OSGIN2: variants seen among roughly 807,000 people sequenced by gnomAD.
The protein encoded by OSGIN2 is oxidative stress induced growth inhibitor family member 2.
A neutral mutation model predicts 53.8 loss-of-function variants in OSGIN2; 19 were observed. That is an observed-to-expected ratio of 0.35 (90% CI 0.25 to 0.52). The LOEUF is 0.52. Ranked by LOEUF, OSGIN2 falls within the 20% of genes least tolerant of loss-of-function variation. OSGIN2 has a pLI of 0.95. For missense variants in OSGIN2, 520 were observed against 662.7 expected (o/e 0.78, Z 2.36); for synonymous variants, 236 against 236.0 (o/e 1.00, Z 0.00).
rs535503634 is a variant in OSGIN2, at chr8:89,922,170, G to A, written c.620+999G>A. 2.6e-5 allele frequency among the ~76,000 whole-genome samples: 4 copies of A among 152,202 alleles called. No individual in the cohort carries two copies. In the South Asian group the frequency reaches 6.3e-4, roughly 24 times the overall value. On this transcript the variant is annotated intron_variant, in intron 5 of 5. Coordinates refer to ENST00000451899, the MANE Select transcript of OSGIN2 (RefSeq NM_001126111.3). ...GACTACTCACAAAATAAGAAGTTAC[G>A]TAACCTTTGTTAGAACAGGGATGTA... is the stretch of plus-strand genomic sequence containing the variant.
rs891873585 is a variant in OSGIN2, at chr8:89,924,642, G to T, written c.760G>T (p.Asp254Tyr). 1 of 1,613,964 alleles carries T rather than the reference G, an allele frequency of 6.2e-7. No individual in the cohort carries two copies. Among genetic ancestry groups the T allele is most frequent in the Non-Finnish European group, 8.5e-7 (1 of 1,179,948 alleles). ...ATCAAGACTCTACAGAGATCAAGAT[G>T]ATGATGATATTCAAGACAGAGATAT... ...SVSRLYRDQDDDDIQDRDIST... is the reference protein window; with the variant it reads ...SVSRLYRDQDYDDIQDRDIST... Residue 254 changes from aspartate (D) to tyrosine (Y), a missense_variant, in exon 6 of 6, where the codon GAT (aspartate) becomes TAT (tyrosine). By Grantham distance (160) the Asp-to-Tyr change is radical. This residue lies in a region of OSGIN2 where 78 missense variants were observed against 59.1 expected (regional missense o/e 1.32). Coordinates refer to ENST00000451899, the MANE Select transcript of OSGIN2 (RefSeq NM_001126111.3).
intron 1 of OSGIN2, 103 bp downstream of exon 1, chr8:89,902,940 G>C (rs1808755546): frequency 1.3e-6 from 1 of 756,382 alleles, no homozygotes; most frequent in African/African-American, 1.8e-5. Flanking sequence ...GCGAGCGCCT[G>C]GACCGCAGCG....
chr8:89,914,561 G>C lies in OSGIN2; in HGVS notation c.343G>C (p.Glu115Gln). 1 of 1,613,524 alleles carries C rather than the reference G, an allele frequency of 6.2e-7. No homozygotes were observed. Among genetic ancestry groups the C allele is most frequent in the Non-Finnish European group, 8.5e-7 (1 of 1,179,552 alleles). ...RHLSIVDQDL[E>Q]YLSEGLEGRS... ...CTCCCTTTTGTTCATTCAGGACTTA[G>C]AATACTTGTCTGAGGGCCTTGAGGG... The change falls in exon 4 of 6, where the codon GAA becomes CAA. Residue 115 changes from glutamate (E) to glutamine (Q), a missense_variant. By Grantham distance (29) the Glu-to-Gln change is conservative. Transcript: ENST00000451899.
At chr8:89,906,396 C>G (rs1022366919) in intron 1 of OSGIN2, among the ~76,000 whole-genome samples, 2 of 152,184 alleles carry the variant, frequency 1.3e-5, no homozygotes, top group African/African-American at 2.4e-5. Context: ...AACAAACTTG[C>G]ATTAGTTGTT....
intron 5 of OSGIN2, among the ~76,000 whole-genome samples, chr8:89,923,541 C>G (rs1050105230): frequency 2.6e-5 from 4 of 152,180 alleles, no homozygotes; most frequent in Admixed American, 1.3e-4. Context: ...CTGTTTTTCA[C>G]TTTCAGTATA....
intron 4 of OSGIN2, among the ~76,000 whole-genome samples, chr8:89,914,977 CTT>C (rs1433367762): frequency 1.3e-5 from 2 of 152,130 alleles, no homozygotes; most frequent in Non-Finnish European, 2.9e-5. Flanking sequence ...TCTATACTAT[CTT>C]ACAAGAATTA....
intron 1 of OSGIN2, among the ~76,000 whole-genome samples, chr8:89,907,836 A>C (rs149398276): frequency 6.6e-6 from 1 of 152,316 alleles, no homozygotes; most frequent in Non-Finnish European, 1.5e-5. Context: ...TGTATCTATA[A>C]ATTGCTTTGG....
At chr8:89,902,978 C>G in intron 1 of OSGIN2, 141 bp downstream of exon 1, 10 of 179,578 alleles carry the variant, frequency 5.6e-5, no homozygotes, top group East Asian at 4.0e-4. Context: ...TCCTGCCTGG[C>G]GTGGGGGTGG....
intron 4 of OSGIN2, among the ~76,000 whole-genome samples, chr8:89,915,830 A>G (rs954040864): frequency 1.3e-5 from 2 of 152,218 alleles, no homozygotes; most frequent in African/African-American, 4.8e-5. Flanking sequence ...ACATTCCTAG[A>G]TTAAATACGT....
chr8:89,904,697 T>TC (rs1485750536), intron 1 of OSGIN2, among the ~76,000 whole-genome samples: 1 of 152,052 alleles, frequency 6.6e-6, no homozygotes, highest in Non-Finnish European at 1.5e-5. Context: ...GCACCTGTAA[T>TC]CCCAGCTACT....
At chr8:89,903,012 C>T (rs1428591299) in intron 1 of OSGIN2, among the ~76,000 whole-genome samples, 175 bp downstream of exon 1, 5 of 152,130 alleles carry the variant, frequency 3.3e-5, no homozygotes, top group South Asian at 2.1e-4. Context: ...GTGGTGGGGT[C>T]CTTGCTCCGG....
intron 1 of OSGIN2, among the ~76,000 whole-genome samples, chr8:89,905,959 TACA>T: frequency 1.3e-5 from 2 of 152,116 alleles, no homozygotes; most frequent in Non-Finnish European, 2.9e-5. Flanking sequence ...AAAAATGAAA[TACA>T]TAAGAATAAA....
intron 5 of OSGIN2, among the ~76,000 whole-genome samples, chr8:89,923,511 T>C (rs763356038): frequency 6.6e-6 from 1 of 152,216 alleles, no homozygotes; most frequent in Non-Finnish European, 1.5e-5. Context: ...AACTATACTT[T>C]GGGTACCAAT....
rs367639935 is a variant in OSGIN2 at position 89,924,641 on chromosome 8, T to C, written c.759T>C (p.Asp253=). The change falls in exon 6 of 6, where the codon GAT becomes GAC. Residue 253 remains aspartate, a synonymous_variant. Coordinates refer to ENST00000451899, the MANE Select transcript of OSGIN2 (RefSeq NM_001126111.3). The part of the protein sequence containing the change: ...TSVSRLYRDQ[D]DDDIQDRDIS... Reference sequence around the variant, plus strand: ...TATCAAGACTCTACAGAGATCAAGATGATGATGATATTCAAGACAGAGATA... The same window carrying C: ...TATCAAGACTCTACAGAGATCAAGACGATGATGATATTCAAGACAGAGATA... 7 of 1,613,612 alleles carry C rather than the reference T, an allele frequency of 4.3e-6. No individual in the cohort carries two copies. The African/African-American group carries it at 5.3e-5, about 12-fold the overall frequency.
Position 89,902,736 on chromosome 8 carries a change from C to CG in OSGIN2, c.-53dup. On this transcript the variant is annotated 5_prime_UTR_variant, in exon 1 of 6. Transcript: ENST00000451899. ...GGGCGCCCCGAGCGGGCAGCCTCGCCGGGGGAGGCGGAGGCGGCCACGGCG... is the reference window on the plus strand; with the variant it reads ...GGGCGCCCCGAGCGGGCAGCCTCGCCGGGGGGAGGCGGAGGCGGCCACGGCG... 9.3e-7 allele frequency: 1 copy of CG among 1,072,628 alleles called. No individual in the cohort carries two copies. 66.4% of individuals were successfully genotyped at this position (1,072,628 alleles called of 1,614,324 possible).
chr8:89,902,200 G>A (rs1210873916), upstream of OSGIN2: 3 of 152,236 alleles, frequency 2.0e-5, no homozygotes, highest in Non-Finnish European at 4.4e-5. Context: ...GCCTTACGCA[G>A]GGAACTCCGC....
At chr8:89,921,202 G>GT (rs753716058) in intron 5 of OSGIN2, 31 bp downstream of exon 5, 1 of 1,285,574 alleles carries the variant, frequency 7.8e-7, no homozygotes, top group South Asian at 1.3e-5. Context: ...AAATTCTTTG[G>GT]TGTACGTTGA....
Position 89,925,074 on chromosome 8 carries a change from CAT to C in OSGIN2, c.1194_1195del (p.His398GlnfsTer20). ...QLPKKLYPEY[H>X]KVYHMMCTQS... is the part of the protein sequence containing the mutation. ...TCCCAAAAAGCTGTATCCTGAATAT[CAT>C]AAAGTCTATCATATGATGTGTACTC... On this transcript the variant is annotated frameshift_variant, in exon 6 of 6. Coordinates refer to ENST00000451899, the MANE Select transcript of OSGIN2 (RefSeq NM_001126111.3). LOFTEE classifies it high-confidence loss of function. 6.2e-7 allele frequency: 1 copy of C among 1,613,464 alleles called. No homozygotes were observed. Among genetic ancestry groups the C allele is most frequent in the Non-Finnish European group, 8.5e-7 (1 of 1,179,354 alleles).
chr8:89,926,646 TAA>T lies in OSGIN2; in HGVS notation c.*1115_*1116del, dbSNP rs1251631463. 18 of 152,256 alleles carry T rather than the reference TAA, an allele frequency of 1.2e-4. No homozygotes were observed. The highest frequency in any genetic ancestry group is 3.9e-4 in the African/African-American group (16 of 41,464). The allele number at this position is 152,256 out of a possible 1,614,324, so 9.4% of individuals were successfully genotyped here. A position where few individuals can be genotyped will look rare whatever the true frequency, so the allele number is the denominator to read the frequency against. On this transcript the variant is annotated 3_prime_UTR_variant, in exon 6 of 6. Coordinates refer to ENST00000451899, the MANE Select transcript of OSGIN2 (RefSeq NM_001126111.3). Reference sequence around the variant, plus strand: ...ATTGGATTTATCTGTTCTAATTATATAAGTGTGTTTACTGTCTGTGTTTTCAC... The same window carrying T: ...ATTGGATTTATCTGTTCTAATTATATGTGTGTTTACTGTCTGTGTTTTCAC...
Sources: allele counts gnomAD v4.1 joint callset (sites outside exome capture counted in the v4.1 genomes callset), GRCh38; gene constraint gnomAD v4.1.1; regional missense constraint gnomAD v4.1.1; transcripts MANE v1.5; gene names NCBI Gene and HGNC (gene_info 2026-07-23, HGNC 2026-07-21).